Variants in TBC1D5 observed in about 807,000 individuals in gnomAD.
TBC1D5 encodes TBC1 domain family, member 5.
TBC1D5 carries 75 observed loss-of-function variants against 100.3 expected under a neutral mutation model. The ratio of observed to expected loss-of-function variants is 0.75; its 90% CI spans 0.62 to 0.91. The LOEUF (loss-of-function observed/expected upper bound fraction) is 0.91, where lower values mean the gene tolerates loss of function less well. Among genes scored for constraint, TBC1D5 ranks in the 40% least tolerant of loss-of-function variants. TBC1D5 has a pLI of 0.00. For synonymous variants in TBC1D5, 323 were observed against 325.6 expected, an observed-to-expected ratio of 0.99 and a Z score of 0.09; for missense variants, 910 against 942.4, an observed-to-expected ratio of 0.97 and a Z score of 0.45.
chr3:17,388,887 C>CA (rs979013577), intron 8 of TBC1D5, among the ~76,000 whole-genome samples: 13 of 150,886 alleles, frequency 8.6e-5, no homozygotes, highest in South Asian at 2.1e-4. Context: ...AACAAAGAAA[C>CA]AAAAAAAATA....
chr3:17,706,356 G>T (rs2074165675), intron 1 of TBC1D5: 3 of 1,246,632 alleles, frequency 2.4e-6, no homozygotes, highest in Non-Finnish European at 1.1e-6. Flanking sequence ...TTTTATATTT[G>T]AAGGAAAGCT....
In TBC1D5 at chr3:17,172,699, T is replaced by G. The variant is rs537643122; in HGVS notation, c.1853-4871A>C. Among the ~76,000 whole-genome samples, 7 of 152,362 alleles carry G rather than the reference T, an allele frequency of 4.6e-5. No homozygotes were observed. In the South Asian group the frequency reaches 1.4e-3, roughly 32 times the overall value. ...GGTGATGCCACTATTTTTAATGAAA[T>G]GTAGTGCCACAAAAATAGATCTCGA... On this transcript the variant is annotated intron_variant, in intron 19 of 21. Transcript: ENST00000253692.
At chr3:17,460,758 C>T (rs74396452) in intron 3 of TBC1D5, among the ~76,000 whole-genome samples, 15 of 146,822 alleles carry the variant, frequency 1.0e-4, no homozygotes, top group African/African-American at 3.0e-4. Context: ...AGGGTTATGA[C>T]GGTTAAAAAA....
chr3:17,696,609 T>C (rs1421745692), intron 1 of TBC1D5, among the ~76,000 whole-genome samples: 2 of 152,024 alleles, frequency 1.3e-5, no homozygotes, highest in Admixed American at 6.6e-5. Flanking sequence ...AGGCAATAAT[T>C]AACAGCCTAC....
intron 3 of TBC1D5, among the ~76,000 whole-genome samples, chr3:17,454,618 C>G (rs377370819): frequency 3.9e-5 from 6 of 152,052 alleles, no homozygotes; most frequent in Non-Finnish European, 7.4e-5. Flanking sequence ...CGCCACCATG[C>G]CTGGTTAATT....
At chr3:17,177,343 A>G (rs903136900) in intron 19 of TBC1D5, among the ~76,000 whole-genome samples, 10 of 152,208 alleles carry the variant, frequency 6.6e-5, no homozygotes, top group Non-Finnish European at 1.3e-4. Context: ...ATGCTGACCA[A>G]TTGTTGCAAG....
chr3:17,344,949 A>C (rs1225788158), intron 13 of TBC1D5, among the ~76,000 whole-genome samples: 1 of 152,200 alleles, frequency 6.6e-6, no homozygotes, highest in Non-Finnish European at 1.5e-5. Context: ...CGTTAGACCT[A>C]AAACCATAAA....
chr3:17,729,480 G>T (rs1406186225), intron 1 of TBC1D5, among the ~76,000 whole-genome samples: 3 of 152,264 alleles, frequency 2.0e-5, no homozygotes, highest in South Asian at 2.1e-4. Context: ...GGCCAAGGCA[G>T]ACAGATTACG....
intron 13 of TBC1D5, among the ~76,000 whole-genome samples, chr3:17,341,949 T>C (rs1017758671): frequency 6.6e-6 from 1 of 152,150 alleles, no homozygotes; most frequent in Non-Finnish European, 1.5e-5. Context: ...TGCCTACTTG[T>C]AGTTATCTTC....
At chr3:17,451,363 A>G (rs1460572600) in intron 3 of TBC1D5, among the ~76,000 whole-genome samples, 8 of 152,208 alleles carry the variant, frequency 5.3e-5, no homozygotes, top group Non-Finnish European at 1.5e-5. Context: ...CACTTCACAA[A>G]AGAAAACATT....
At chr3:17,705,944 C>A (rs1245298909) in intron 1 of TBC1D5, 11 of 1,238,446 alleles carry the variant, frequency 8.9e-6, no homozygotes, top group African/African-American at 3.1e-5. Flanking sequence ...CTCCTCCAGC[C>A]GCTGCCTCCC....
At chr3:17,523,055 T>G (rs2096080350) in intron 2 of TBC1D5, among the ~76,000 whole-genome samples, 1 of 151,284 alleles carries the variant, frequency 6.6e-6, no homozygotes, top group South Asian at 2.1e-4. Flanking sequence ...ATATTTCACT[T>G]AATGCTTACT....
intron 3 of TBC1D5, among the ~76,000 whole-genome samples, chr3:17,492,630 T>C (rs2095653415): frequency 6.6e-6 from 1 of 152,098 alleles, no homozygotes; most frequent in South Asian, 2.1e-4. Flanking sequence ...GAGACAGGGT[T>C]TTACCATTTT....
chr3:17,640,470 T>C (rs2064387135), intron 1 of TBC1D5, among the ~76,000 whole-genome samples: 1 of 152,080 alleles, frequency 6.6e-6, no homozygotes. Flanking sequence ...AATTTCCTCT[T>C]AAAAGAAGAA....
intron 2 of TBC1D5, among the ~76,000 whole-genome samples, chr3:17,617,981 T>C (rs1028400433): frequency 2.0e-5 from 3 of 152,250 alleles, no homozygotes; most frequent in African/African-American, 4.8e-5. Flanking sequence ...GAACAGGCGC[T>C]CCAGTTTTTA....
At chr3:17,380,045 ATGTGTGTGTGTGTGTG>A (rs3041142) in intron 9 of TBC1D5, among the ~76,000 whole-genome samples, 5 of 112,450 alleles carry the variant, frequency 4.4e-5, no homozygotes, top group East Asian at 2.3e-4. Flanking sequence ...GTGACTGTGT[ATGTGTGTGTGTGTGTG>A]TGTGTGTGTG....
intron 2 of TBC1D5, among the ~76,000 whole-genome samples, chr3:17,572,435 C>CCT (rs143971206): frequency 2.7e-5 from 4 of 150,914 alleles, no homozygotes; most frequent in South Asian, 2.1e-4. Context: ...ATAACATCAA[C>CCT]CTCTCTCTCT....
chr3:17,439,185 C>A (rs2094591930), intron 3 of TBC1D5, among the ~76,000 whole-genome samples: 1 of 152,106 alleles, frequency 6.6e-6, no homozygotes, highest in Non-Finnish European at 1.5e-5. Flanking sequence ...GACAAGACTT[C>A]ATAAAATGTA....
intron 15 of TBC1D5, among the ~76,000 whole-genome samples, chr3:17,290,893 G>A (rs1425913550): frequency 6.6e-6 from 1 of 152,132 alleles, no homozygotes; most frequent in Non-Finnish European, 1.5e-5. Context: ...AACAGATATA[G>A]GCATAAGGAA....
Sources: allele counts gnomAD v4.1 joint callset (sites outside exome capture counted in the v4.1 genomes callset), GRCh38; gene constraint gnomAD v4.1.1; transcripts MANE v1.5; gene names NCBI Gene and HGNC (gene_info 2026-07-23, HGNC 2026-07-21).